Variants in KCNH8 observed in about 807,000 individuals in gnomAD.
KCNH8 encodes the protein potassium voltage-gated channel subfamily H member 8.
Under a neutral mutation model 103.6 loss-of-function variants are expected in KCNH8, and 70 were observed. The observed-to-expected ratio is 0.68, with a 90% CI of 0.56 to 0.82. KCNH8 has a LOEUF of 0.82. KCNH8 is among the 40% of genes least tolerant of loss of function. KCNH8 has a pLI of 0.00. For missense variants in KCNH8, 1,217 were observed against 1,329.9 expected, an observed-to-expected ratio of 0.92 and a Z score of 1.32; for synonymous variants, 498 against 489.4, an observed-to-expected ratio of 1.02 and a Z score of -0.23.
chr3:19,451,468 T>TG, intron 10 of KCNH8, 64 bp downstream of exon 10: 1 of 1,501,692 alleles, frequency 6.7e-7, no homozygotes, highest in South Asian at 1.2e-5. Flanking sequence ...GAAGATGAAA[T>TG]GGGGGAAAAA....
At chr3:19,493,258 TG>T (rs2068365968) in intron 11 of KCNH8, among the ~76,000 whole-genome samples, 1 of 152,116 alleles carries the variant, frequency 6.6e-6, no homozygotes, top group Non-Finnish European at 1.5e-5. Context: ...AGTACTATGT[TG>T]AACAGGAACG....
chr3:19,268,427 G>C (rs562615108), intron 2 of KCNH8, among the ~76,000 whole-genome samples: 2 of 152,002 alleles, frequency 1.3e-5, no homozygotes, highest in Non-Finnish European at 2.9e-5. Flanking sequence ...TTTGAGACAC[G>C]GAGAGAAGGC....
Position 19,217,060 on chromosome 3 carries a change from G to A in KCNH8, c.77-36594G>A, listed in dbSNP as rs186707466. On this transcript the variant is annotated intron_variant, in intron 1 of 15. Transcript: ENST00000328405. ...AGAGGATGATAGCAAGATGCACCTC[G>A]TGAGGTTATTGTAAAGATTAAAGGA... 1.9e-3 allele frequency among the ~76,000 whole-genome samples: 287 copies of A among 152,266 alleles called. 4 individuals carry two copies. The highest frequency in any genetic ancestry group is 0.018 in the Admixed American group (275 of 15,300).
At chr3:19,405,149 A>G (rs533562229) in intron 7 of KCNH8, among the ~76,000 whole-genome samples, 4 of 152,024 alleles carry the variant, frequency 2.6e-5, no homozygotes, top group Non-Finnish European at 5.9e-5. Context: ...CATGGCATTT[A>G]ATCTCCATTT....
chr3:19,165,414 C>T (rs2063273401), intron 1 of KCNH8, among the ~76,000 whole-genome samples: 1 of 152,190 alleles, frequency 6.6e-6, no homozygotes, highest in Non-Finnish European at 1.5e-5. Context: ...TAACAATGAA[C>T]ATAGTCAAAT....
At chr3:19,502,971 A>G (rs2068618433) in intron 11 of KCNH8, among the ~76,000 whole-genome samples, 1 of 152,048 alleles carries the variant, frequency 6.6e-6, no homozygotes, top group Admixed American at 6.5e-5. Context: ...AAAAGAAACT[A>G]CCATCAGAGT....
rs996252192 is a variant in KCNH8, at chr3:19,347,754, G to A, written c.600G>A (p.Pro200=). The A allele has an allele frequency of 5.0e-6, 8 of 1,612,824 alleles. No individual in the cohort carries two copies. The highest frequency in any genetic ancestry group is 2.7e-5 in the African/African-American group (2 of 74,816). The change falls in exon 5 of 16, where the codon CCG becomes CCA. Residue 200 remains proline, a synonymous_variant. Transcript: ENST00000328405. ...TTTTTGTAGATAAACCAGCATTTCCGGAGTATAAAGTTTCTGATGCAAAAA... is the reference window on the plus strand; with the variant it reads ...TTTTTGTAGATAAACCAGCATTTCCAGAGTATAAAGTTTCTGATGCAAAAA... ...NNVFVDKPAF[P]EYKVSDAKKS...
At chr3:19,281,054 C>A in intron 2 of KCNH8, 144 bp from the exon 3 acceptor site, 2 of 754,008 alleles carry the variant, frequency 2.7e-6, no homozygotes, top group Non-Finnish European at 4.3e-6. Flanking sequence ...TTTATGGAAC[C>A]TGAAAACTGA....
chr3:19,240,480 C>T lies in KCNH8; in HGVS notation c.77-13174C>T, dbSNP rs530806939. On this transcript the variant is annotated intron_variant, in intron 1 of 15. Coordinates refer to ENST00000328405, the MANE Select transcript of KCNH8 (RefSeq NM_144633.3). ...ATACAAAATTAGCCAGGCATGGTGG[C>T]GCATGCCTGTAATCCCAGGTACTCT... Among the ~76,000 whole-genome samples the T allele has an allele frequency of 1.0e-3, 158 of 151,972 alleles. 2 individuals are homozygous for T. The highest frequency in any genetic ancestry group is 2.1e-3 in the Non-Finnish European group (141 of 67,956).
chr3:19,150,240 C>A (rs988406245), intron 1 of KCNH8, among the ~76,000 whole-genome samples: 1 of 152,158 alleles, frequency 6.6e-6, no homozygotes. Context: ...CACTACCACA[C>A]CACTGAAGCG....
At position 19,485,554 on chromosome 3, in the gene KCNH8, C is replaced by T. The variant is rs183006562; in HGVS notation, c.2041-24809C>T. Reference sequence around the variant, plus strand: ...GTGCACGGCCAATACGATTGTGGCTCCCAGAAACTGTGGCACAGCTACCTT... The same window carrying T: ...GTGCACGGCCAATACGATTGTGGCTTCCAGAAACTGTGGCACAGCTACCTT... On this transcript the variant is annotated intron_variant, in intron 11 of 15. Coordinates refer to ENST00000328405, the MANE Select transcript of KCNH8 (RefSeq NM_144633.3). Among the ~76,000 whole-genome samples the T allele has an allele frequency of 3.1e-3, 467 of 152,298 alleles. 4 individuals are homozygous for T. The highest frequency in any genetic ancestry group is 0.01 in the African/African-American group (424 of 41,560).
At chr3:19,433,834 C>G (rs886556762) in intron 7 of KCNH8, among the ~76,000 whole-genome samples, 2 of 152,152 alleles carry the variant, frequency 1.3e-5, no homozygotes, top group Non-Finnish European at 2.9e-5. Context: ...AATGCCGTTA[C>G]GGCTTTGTGC....
chr3:19,423,426 C>T (rs1333149876), intron 7 of KCNH8, among the ~76,000 whole-genome samples: 2 of 151,876 alleles, frequency 1.3e-5, no homozygotes, highest in Non-Finnish European at 2.9e-5. Flanking sequence ...TCTTTTATCC[C>T]TCACCCTCCT....
intron 15 of KCNH8, among the ~76,000 whole-genome samples, chr3:19,519,963 C>T (rs1321070055): frequency 6.6e-6 from 1 of 151,290 alleles, no homozygotes. Context: ...TAAATCCACA[C>T]AGTTTGTTAT....
rs34714826 is a variant in KCNH8, at chr3:19,326,356, A to AATATATATATAT, written c.443-16215_443-16204dup. ...ACCCCTGAACTTACAATGAAAGTTAAATATATATATATATATATATATATA... is the reference window on the plus strand; with the variant it reads ...ACCCCTGAACTTACAATGAAAGTTAAATATATATATATATATATATATATATATATATATATA... On this transcript the variant is annotated intron_variant, in intron 3 of 15. Coordinates refer to ENST00000328405, the MANE Select transcript of KCNH8 (RefSeq NM_144633.3). Among the ~76,000 whole-genome samples the AATATATATATAT allele has an allele frequency of 1.2e-3, 157 of 135,722 alleles. 3 individuals carry two copies. The highest frequency in any genetic ancestry group is 4.0e-3 in the African/African-American group (143 of 35,894). 89.0% of individuals were successfully genotyped at this position (135,722 alleles called of 152,430 possible). A position where few individuals can be genotyped will look rare whatever the true frequency, so the allele number is the denominator to read the frequency against.
At chr3:19,289,242 T>C (rs1488421545) in intron 3 of KCNH8, among the ~76,000 whole-genome samples, 11 of 152,048 alleles carry the variant, frequency 7.2e-5, no homozygotes, top group Non-Finnish European at 2.9e-5. Flanking sequence ...TAGATCCCAT[T>C]TGTCAATTTT....
At chr3:19,505,821 T>G (rs1359730207) in intron 11 of KCNH8, among the ~76,000 whole-genome samples, 3 of 152,220 alleles carry the variant, frequency 2.0e-5, no homozygotes, top group Non-Finnish European at 4.4e-5. Flanking sequence ...TTTTGGTCTG[T>G]TTACATAACC....
intron 1 of KCNH8, among the ~76,000 whole-genome samples, chr3:19,213,983 TGA>T (rs2063794804): frequency 1.3e-5 from 2 of 152,198 alleles, no homozygotes; most frequent in African/African-American, 4.8e-5. Flanking sequence ...TAGCACCCAC[TGA>T]AGTGCTCCTA....
chr3:19,228,734 C>T (rs1027073986), intron 1 of KCNH8, among the ~76,000 whole-genome samples: 4 of 152,076 alleles, frequency 2.6e-5, no homozygotes, highest in African/African-American at 9.7e-5. Context: ...AGGTTATTTT[C>T]CAAAGCAGAT....
Sources: allele counts gnomAD v4.1 joint callset (sites outside exome capture counted in the v4.1 genomes callset), GRCh38; gene constraint gnomAD v4.1.1; transcripts MANE v1.5; gene names NCBI Gene and HGNC (gene_info 2026-07-23, HGNC 2026-07-21).